Variants in ARID4B observed in about 807,000 individuals in gnomAD.
ARID4B encodes AT-rich interaction domain 4B.
ARID4B carries 26 observed loss-of-function variants against 147.5 expected under a neutral mutation model. That is an observed-to-expected ratio of 0.18 (90% CI 0.13 to 0.24). The LOEUF (loss-of-function observed/expected upper bound fraction) is 0.24, where lower values mean the gene tolerates loss of function less well. Ranked by LOEUF, ARID4B falls within the 10% of genes least tolerant of loss-of-function variation. The pLI is 1.00. For missense variants in ARID4B, 1,179 were observed against 1,511.5 expected, an observed-to-expected ratio of 0.78 and a Z score of 3.65; for synonymous variants, 512 against 507.9, an observed-to-expected ratio of 1.01 and a Z score of -0.11.
chr1:235,265,360 C>T (rs1192314145), intron 2 of ARID4B, among the ~76,000 whole-genome samples: 1 of 148,134 alleles, frequency 6.8e-6, no homozygotes, highest in Non-Finnish European at 1.5e-5. Context: ...TGTGAGACTC[C>T]ATTTCAAAAA....
At chr1:235,315,627 C>T (rs1398217113) in intron 2 of ARID4B, among the ~76,000 whole-genome samples, 1 of 152,102 alleles carries the variant, frequency 6.6e-6, no homozygotes, top group Non-Finnish European at 1.5e-5. Context: ...CTATTTTCTA[C>T]CTTATAAATC....
At position 235,168,172 on chromosome 1, in the gene ARID4B, G is replaced by A; in HGVS notation, c.*353C>T. 1 of 228,068 alleles carries A rather than the reference G, an allele frequency of 4.4e-6. No individual in the cohort carries two copies. Among genetic ancestry groups the A allele is most frequent in the Admixed American group, 5.7e-5 (1 of 17,694 alleles). The allele number at this position is 228,068 out of a possible 1,614,324, so 14.1% of individuals were successfully genotyped here. A position where few individuals can be genotyped will look rare whatever the true frequency, so the allele number is the denominator to read the frequency against. ...TGTTCCAGCTTTAACAAAATACAAG[G>A]GAATACATATACAGTAAGTTATCTT... On this transcript the variant is annotated 3_prime_UTR_variant, in exon 24 of 24. Coordinates refer to ENST00000264183, the MANE Select transcript of ARID4B (RefSeq NM_016374.6).
chr1:235,189,831 A>C (rs1384989876), intron 19 of ARID4B, among the ~76,000 whole-genome samples: 1 of 152,136 alleles, frequency 6.6e-6, no homozygotes, highest in Non-Finnish European at 1.5e-5. Context: ...GCTTGAGCTC[A>C]GAAGTTTGAG....
chr1:235,173,360 AAAAAC>A (rs980513580), intron 22 of ARID4B, among the ~76,000 whole-genome samples: 8 of 152,092 alleles, frequency 5.3e-5, no homozygotes, highest in Middle Eastern at 3.2e-3. Context: ...ACAAAAACAC[AAAAAC>A]AAAACAAAAC....
chr1:235,278,035 A>G (rs1671448894), intron 2 of ARID4B, among the ~76,000 whole-genome samples: 1 of 152,156 alleles, frequency 6.6e-6, no homozygotes, highest in Admixed American at 6.5e-5. Context: ...GTAAATGTAC[A>G]CACACAAAGT....
intron 13 of ARID4B, 67 bp from the exon 14 acceptor site, chr1:235,221,729 C>T: frequency 2.4e-6 from 2 of 845,520 alleles, no homozygotes; most frequent in South Asian, 1.5e-5. Context: ...TTTTGATAGA[C>T]ACAGTATATA....
At chr1:235,314,491 G>C (rs12755851) in intron 2 of ARID4B, among the ~76,000 whole-genome samples, 44,676 of 151,952 alleles carry the variant, frequency 0.29, 7,674 homozygotes, top group South Asian at 0.53. Flanking sequence ...CTGGAAATAA[G>C]ACCACTGACT....
chr1:235,313,015 G>T (rs958735600), intron 2 of ARID4B, among the ~76,000 whole-genome samples: 3 of 152,020 alleles, frequency 2.0e-5, no homozygotes, highest in African/African-American at 4.8e-5. Flanking sequence ...TCTTTGATGA[G>T]GTATCCTTAT....
At chr1:235,176,062 T>C (rs1292915504) in intron 21 of ARID4B, among the ~76,000 whole-genome samples, 6 of 152,200 alleles carry the variant, frequency 3.9e-5, no homozygotes, top group Non-Finnish European at 7.4e-5. Context: ...CAGCTTACCA[T>C]GTGAACAGGT....
intron 19 of ARID4B, among the ~76,000 whole-genome samples, chr1:235,191,274 G>T (rs1403736218): frequency 1.3e-5 from 2 of 148,978 alleles, no homozygotes; most frequent in Non-Finnish European, 3.0e-5. Flanking sequence ...TTAAGATGGA[G>T]TTTCGCTGTT....
intron 2 of ARID4B, among the ~76,000 whole-genome samples, chr1:235,273,525 T>C (rs945989695): frequency 4.6e-5 from 7 of 152,224 alleles, no homozygotes; most frequent in Non-Finnish European, 1.5e-5. Flanking sequence ...TAAACTACGA[T>C]ATACCATCAA....
chr1:235,249,659 T>C (rs1233289459), intron 6 of ARID4B, among the ~76,000 whole-genome samples: 1 of 151,576 alleles, frequency 6.6e-6, no homozygotes. Flanking sequence ...TAGCTGGGCG[T>C]GGCCGGGCAC....
chr1:235,269,464 T>C (rs1277597352), intron 2 of ARID4B, among the ~76,000 whole-genome samples: 2 of 152,128 alleles, frequency 1.3e-5, no homozygotes, highest in Non-Finnish European at 2.9e-5. Flanking sequence ...TAACTGGAAA[T>C]GAGAAAAAGT....
At chr1:235,247,423 G>A (rs1402355362) in intron 6 of ARID4B, among the ~76,000 whole-genome samples, 1 of 152,074 alleles carries the variant, frequency 6.6e-6, no homozygotes, top group Non-Finnish European at 1.5e-5. Flanking sequence ...ACAAAACTGT[G>A]AAAAGATGAA....
rs150219796 is a variant in ARID4B, at chr1:235,316,473, C to T, written c.6+10441G>A. ...GCAGTAAGCCAAGATCGCACTACTG[C>T]ACTCCAGCCTGGGCGACACAGCAAG... On this transcript the variant is annotated intron_variant, in intron 2 of 23. Coordinates refer to ENST00000264183, the MANE Select transcript of ARID4B (RefSeq NM_016374.6). 5.3e-3 allele frequency among the ~76,000 whole-genome samples: 813 copies of T among 152,186 alleles called. 4 individuals are homozygous for T. The highest frequency in any genetic ancestry group is 0.01 in the Middle Eastern group (3 of 294).
At chr1:235,290,218 C>A (rs1045534226) in intron 2 of ARID4B, among the ~76,000 whole-genome samples, 1 of 152,014 alleles carries the variant, frequency 6.6e-6, no homozygotes, top group African/African-American at 2.4e-5. Context: ...GCAGGCCGGG[C>A]AGATCACTTG....
At chr1:235,323,381 G>T (rs960158893) in intron 2 of ARID4B, among the ~76,000 whole-genome samples, 5 of 151,784 alleles carry the variant, frequency 3.3e-5, no homozygotes, top group African/African-American at 1.2e-4. Flanking sequence ...AAAGATTCTG[G>T]TATATCCAGC....
intron 2 of ARID4B, 106 bp downstream of exon 2, chr1:235,326,808 C>T: frequency 7.0e-7 from 1 of 1,438,236 alleles, no homozygotes; most frequent in South Asian, 1.1e-5. Context: ...TCACCAAACA[C>T]ACCTTCCTCT....
At chr1:235,183,855 C>T (rs1186012827) in intron 19 of ARID4B, among the ~76,000 whole-genome samples, 1 of 151,726 alleles carries the variant, frequency 6.6e-6, no homozygotes, top group Non-Finnish European at 1.5e-5. Flanking sequence ...ACTATCATGG[C>T]TCACTGCAGC....
Sources: allele counts gnomAD v4.1 joint callset (sites outside exome capture counted in the v4.1 genomes callset), GRCh38; gene constraint gnomAD v4.1.1; transcripts MANE v1.5; gene names NCBI Gene and HGNC (gene_info 2026-07-23, HGNC 2026-07-21).